Variants in SCAPER observed in about 807,000 individuals in gnomAD.
SCAPER encodes the protein S phase cyclin A-associated protein in the endoplasmic reticulum.
A neutral mutation model predicts 182.2 loss-of-function variants in SCAPER; 98 were observed. The observed-to-expected ratio is 0.54, with a 90% CI of 0.46 to 0.64. The LOEUF (loss-of-function observed/expected upper bound fraction) is 0.64. Among genes scored for constraint, SCAPER ranks in the 30% least tolerant of loss-of-function variants. The probability of loss-of-function intolerance (pLI) is 0.00; values close to 1 mark genes in which losing one functional copy is unlikely to be tolerated. For missense variants in SCAPER, 1,432 were observed against 1,690.0 expected (o/e 0.85, Z 2.68); for synonymous variants, 605 against 564.6 (o/e 1.07, Z -1.01).
At chr15:76,738,491 T>C (rs2151093716) in intron 15 of SCAPER, among the ~76,000 whole-genome samples, 1 of 149,884 alleles carries the variant, frequency 6.7e-6, no homozygotes. Flanking sequence ...TGAGCCGACA[T>C]CACGCCACTG....
chr15:76,381,286 T>A (rs17460201), intron 28 of SCAPER, 92 bp downstream of exon 28: 13 of 941,086 alleles, frequency 1.4e-5, no homozygotes, highest in Admixed American at 1.1e-4. Context: ...TTATTCCTTA[T>A]GCCCCAATTC....
chr15:76,617,862 A>G (rs1223942757), intron 22 of SCAPER, among the ~76,000 whole-genome samples: 2 of 152,228 alleles, frequency 1.3e-5, no homozygotes, highest in African/African-American at 4.8e-5. Context: ...GCATGTATTC[A>G]GAAATGGCTC....
At position 76,702,900 on chromosome 15, in the gene SCAPER, T is replaced by C. The variant is rs2059038015; in HGVS notation, c.2350A>G (p.Lys784Glu). The change falls in exon 19 of 32, where the codon AAA becomes GAA. Residue 784 changes from lysine to glutamate, a missense_variant. By Grantham distance (56) the Lys-to-Glu change is moderately conservative. Transcript: ENST00000563290. ...TTCTTTCTTTCATAAGGGGTCAGTT[T>C]GGGGGCATAATCAGTATTTGCATGT... ...GRHANTDYAP[K>E]LTPYERKKQC... 2 of 1,611,062 alleles carry C rather than the reference T, an allele frequency of 1.2e-6. No individual in the cohort carries two copies. The highest frequency in any genetic ancestry group is 1.3e-5 in the African/African-American group (1 of 74,714).
intron 20 of SCAPER, among the ~76,000 whole-genome samples, chr15:76,672,592 T>C (rs1384462310): frequency 1.3e-5 from 2 of 151,948 alleles, no homozygotes; most frequent in African/African-American, 4.8e-5. Flanking sequence ...AAACAGAAGA[T>C]GTATAAGAGT....
intron 20 of SCAPER, among the ~76,000 whole-genome samples, chr15:76,686,277 G>C (rs1240113633): frequency 6.6e-6 from 1 of 151,982 alleles, no homozygotes; most frequent in Non-Finnish European, 1.5e-5. Flanking sequence ...ACATTCTACA[G>C]AACAGAAAAT....
At chr15:76,396,212 G>C (rs569040296) in intron 27 of SCAPER, among the ~76,000 whole-genome samples, 29 of 152,214 alleles carry the variant, frequency 1.9e-4, no homozygotes, top group Middle Eastern at 3.4e-3. Flanking sequence ...CCAGTACCAT[G>C]CTGTTTTGAT....
intron 29 of SCAPER, among the ~76,000 whole-genome samples, chr15:76,361,738 G>A (rs1349630659): frequency 1.3e-5 from 2 of 152,180 alleles, no homozygotes; most frequent in Non-Finnish European, 2.9e-5. Flanking sequence ...GGTCTTGAGA[G>A]AGCATTACTG....
At chr15:76,348,787 T>C (rs1323927603) in intron 31 of SCAPER, 51 bp from the exon 32 acceptor site, 1 of 1,095,930 alleles carries the variant, frequency 9.1e-7, no homozygotes, top group East Asian at 2.6e-5. Flanking sequence ...GGTTAAATTC[T>C]TTGAAGATTC....
intron 8 of SCAPER, among the ~76,000 whole-genome samples, chr15:76,778,222 T>G (rs563605966): frequency 4.2e-4 from 64 of 152,270 alleles, no homozygotes; most frequent in Non-Finnish European, 5.4e-4. Flanking sequence ...ACTGAAGTAG[T>G]GCTCGATGTA....
chr15:76,431,704 A>AAAAAAAAAAAAAACTTTT (rs61401621), intron 26 of SCAPER, among the ~76,000 whole-genome samples: 1 of 127,514 alleles, frequency 7.8e-6, no homozygotes, highest in African/African-American at 2.7e-5. Flanking sequence ...AAAAAAAAAA[A>AAAAAAAAAAAAAACTTTT]TGCTTTGTTT....
intron 4 of SCAPER, among the ~76,000 whole-genome samples, chr15:76,854,801 TA>T (rs1181709748): frequency 8.1e-5 from 2 of 24,726 alleles, no homozygotes; most frequent in African/African-American, 2.2e-4. Context: ...CTACTAAAAA[TA>T]CAAAAAAAAA....
At chr15:76,743,436 G>A (rs1473049503) in intron 15 of SCAPER, among the ~76,000 whole-genome samples, 2 of 152,082 alleles carry the variant, frequency 1.3e-5, no homozygotes. Flanking sequence ...AAACTGATAA[G>A]CTGTTCTGGC....
At chr15:76,525,342 T>C (rs1213770930) in intron 23 of SCAPER, among the ~76,000 whole-genome samples, 1 of 152,126 alleles carries the variant, frequency 6.6e-6, no homozygotes, top group Non-Finnish European at 1.5e-5. Flanking sequence ...CAGTGTAATT[T>C]TTTTTCTTTT....
chr15:76,365,532 C>T (rs2041748984), intron 29 of SCAPER, among the ~76,000 whole-genome samples: 2 of 152,232 alleles, frequency 1.3e-5, no homozygotes, highest in African/African-American at 2.4e-5. Context: ...TAATCAGGGA[C>T]AATGGCAGCA....
At chr15:76,518,057 G>C (rs1219615747) in intron 23 of SCAPER, among the ~76,000 whole-genome samples, 2 of 152,334 alleles carry the variant, frequency 1.3e-5, no homozygotes, top group East Asian at 1.9e-4. Context: ...TGCAGTTCTT[G>C]AGATTGCCAG....
chr15:76,445,856 G>C (rs999199601), intron 25 of SCAPER, among the ~76,000 whole-genome samples: 2 of 152,120 alleles, frequency 1.3e-5, no homozygotes, highest in African/African-American at 4.8e-5. Context: ...TTAAAATCTC[G>C]ATTTCCCACT....
chr15:76,444,726 C>T (rs1167469609), intron 25 of SCAPER, among the ~76,000 whole-genome samples: 1 of 152,136 alleles, frequency 6.6e-6, no homozygotes, highest in African/African-American at 2.4e-5. Flanking sequence ...AATGTTAGAT[C>T]CCATGAGTCT....
intron 27 of SCAPER, among the ~76,000 whole-genome samples, chr15:76,386,489 C>T (rs1240911443): frequency 3.9e-5 from 6 of 152,042 alleles, no homozygotes; most frequent in Middle Eastern, 3.2e-3. Flanking sequence ...AAGATATAAA[C>T]GAACAAATAT....
chr15:76,442,066 T>G (rs1036287132), intron 25 of SCAPER, among the ~76,000 whole-genome samples: 9 of 152,130 alleles, frequency 5.9e-5, no homozygotes, highest in African/African-American at 1.9e-4. Flanking sequence ...CATGTATATA[T>G]AGATATAGAT....
Sources: allele counts gnomAD v4.1 joint callset (sites outside exome capture counted in the v4.1 genomes callset), GRCh38; gene constraint gnomAD v4.1.1; transcripts MANE v1.5; gene names NCBI Gene and HGNC (gene_info 2026-07-23, HGNC 2026-07-21).